Variants in STK25 observed in about 807,000 individuals in gnomAD.
STK25 encodes the protein serine/threonine-protein kinase 25.
A neutral mutation model predicts 53.8 loss-of-function variants in STK25; 29 were observed. That is an observed-to-expected ratio of 0.54 (90% CI 0.40 to 0.74). The LOEUF is 0.74. Ranked by LOEUF, STK25 falls within the 30% of genes least tolerant of loss-of-function variation. The probability of loss-of-function intolerance (pLI) is 0.00; values close to 1 mark genes in which losing one functional copy is unlikely to be tolerated. For synonymous variants in STK25, 247 were observed against 238.3 expected, an observed-to-expected ratio of 1.04 and a Z score of -0.33; for missense variants, 420 against 568.0, an observed-to-expected ratio of 0.74 and a Z score of 2.65.
rs947809177 is a variant in STK25 at position 241,508,497 on chromosome 2, G to T, written c.-155C>A. 6 of 1,022,724 alleles carry T rather than the reference G, an allele frequency of 5.9e-6. No homozygotes were observed. Among genetic ancestry groups the T allele is most frequent in the African/African-American group, 1.7e-5 (1 of 57,466 alleles). 63.4% of individuals were successfully genotyped at this position (1,022,724 alleles called of 1,614,324 possible). A position where few individuals can be genotyped will look rare whatever the true frequency, so the allele number is the denominator to read the frequency against. On this transcript the variant is annotated 5_prime_UTR_variant, in exon 1 of 12. Coordinates refer to ENST00000316586, the MANE Select transcript of STK25 (RefSeq NM_001271977.2). The stretch of plus-strand genomic sequence containing the variant: ...GGCCCGCTCTGCAGCGCCCGCGAAG[G>T]CTCCCACCCGCAGCCTCTGTTCGCC...
rs2065099023 is a variant in STK25, at chr2:241,495,562, C to G, written c.*100G>C. On this transcript the variant is annotated 3_prime_UTR_variant, in exon 12 of 12. Transcript: ENST00000316586. ...ACGGGATCCGACGTGTCCCTGCAGG[C>G]ACGACATAGCACAGGGCACCTTCCA... The G allele has an allele frequency of 7.4e-7, 1 of 1,358,162 alleles. No individual in the cohort carries two copies. The highest frequency in any genetic ancestry group is 1.4e-5 in the African/African-American group (1 of 69,882). The allele number at this position is 1,358,162 out of a possible 1,614,324, so 84.1% of individuals were successfully genotyped here. A position where few individuals can be genotyped will look rare whatever the true frequency, so the allele number is the denominator to read the frequency against.
chr2:241,505,277 G>A (rs1469976087), intron 2 of STK25, among the ~76,000 whole-genome samples: 1 of 151,986 alleles, frequency 6.6e-6, no homozygotes, highest in Non-Finnish European at 1.5e-5. Flanking sequence ...GCCCTGGGAC[G>A]CTGCTCCACC....
Position 241,495,434 on chromosome 2 carries a change from G to A in STK25, c.*228C>T. On this transcript the variant is annotated 3_prime_UTR_variant, in exon 12 of 12. Coordinates refer to ENST00000316586, the MANE Select transcript of STK25 (RefSeq NM_001271977.2). ...GAGCAATACTGCTGGGCCAGGAGAG[G>A]GAGGAGGGCAGTGGGCATAGAGAAC... 1.8e-6 allele frequency: 1 copy of A among 559,812 alleles called. No homozygotes were observed. Among genetic ancestry groups the A allele is most frequent in the African/African-American group, 1.9e-5 (1 of 53,092 alleles). 34.7% of individuals were successfully genotyped at this position (559,812 alleles called of 1,614,324 possible).
At chr2:241,505,591 T>C (rs1052475343) in intron 2 of STK25, among the ~76,000 whole-genome samples, 2 of 152,342 alleles carry the variant, frequency 1.3e-5, no homozygotes, top group African/African-American at 4.8e-5. Context: ...ACACAGGGCC[T>C]GGAGCTGAAT....
At chr2:241,507,582 C>T (rs2065914415) in intron 2 of STK25, among the ~76,000 whole-genome samples, 1 of 152,246 alleles carries the variant, frequency 6.6e-6, no homozygotes. Context: ...GTCTCCCCTA[C>T]AGCCCCTGCC....
In STK25 at chr2:241,493,335, G is replaced by A. The variant is rs145708249; in HGVS notation, c.*2327C>T. ...CAGCCTCCCGCTGCTGGGCTACAGC[G>A]TGAGCATCCCCAGGGAGGCCGATGG... On this transcript the variant is annotated 3_prime_UTR_variant, in exon 12 of 12. Coordinates refer to ENST00000316586, the MANE Select transcript of STK25 (RefSeq NM_001271977.2). 55 of 1,614,002 alleles carry A rather than the reference G, an allele frequency of 3.4e-5. No individual in the cohort carries two copies. The highest frequency in any genetic ancestry group is 1.7e-4 in the Middle Eastern group (1 of 6,058).
In STK25 at chr2:241,498,748, T is replaced by C; in HGVS notation, c.808A>G (p.Ile270Val). The part of the protein sequence containing the change: ...TAKELLKHKF[I>V]TRYTKKTSFL... ...GAGGTCTTCTTGGTGTAGCGTGTGA[T>C]GAACTTGTGCTTCAGGAGCTCCTTG... Residue 270 changes from isoleucine to valine, a missense_variant, in exon 8 of 12, where the codon ATC becomes GTC. By Grantham distance (29) the Ile-to-Val change is conservative. Coordinates refer to ENST00000316586, the MANE Select transcript of STK25 (RefSeq NM_001271977.2). The C allele has an allele frequency of 1.2e-6, 2 of 1,614,156 alleles. No individual in the cohort carries two copies. Among genetic ancestry groups the C allele is most frequent in the East Asian group, 2.2e-5 (1 of 44,884 alleles).
chr2:241,507,401 A>T (rs2065900491), intron 2 of STK25, among the ~76,000 whole-genome samples: 1 of 152,232 alleles, frequency 6.6e-6, no homozygotes, highest in Non-Finnish European at 1.5e-5. Context: ...TTAAAGAAGA[A>T]AGATGAGTCT....
chr2:241,498,919 CG>C (rs773708697), intron 7 of STK25, 69 bp downstream of exon 7: 1 of 1,609,206 alleles, frequency 6.2e-7, no homozygotes, highest in Non-Finnish European at 8.5e-7. Context: ...CGGGCTGTGC[CG>C]CCCACCCCAA....
At position 241,501,485 on chromosome 2, in the gene STK25, T is replaced by C. The variant is rs1705308560; in HGVS notation, c.254A>G (p.Tyr85Cys). The stretch of plus-strand genomic sequence containing the variant: ...CCTCCCCACAACAGGCACCTTTAGG[T>C]AGGAGCCAAAGTAGCGGGTGATGTA... ...SPYITRYFGS[Y>C]LKSTKLWIIM... Residue 85 changes from tyrosine to cysteine, a missense_variant, in exon 3 of 12, where the codon TAC (tyrosine) becomes TGC (cysteine). Tyr to Cys is a radical substitution (Grantham distance 194). Transcript: ENST00000316586. The surrounding 1 kb of genome is among the most constrained non-coding windows in gnomAD (Gnocchi z 5.3). 1 of 1,613,766 alleles carries C rather than the reference T, an allele frequency of 6.2e-7. No individual in the cohort carries two copies. Among genetic ancestry groups the C allele is most frequent in the Non-Finnish European group, 8.5e-7 (1 of 1,179,866 alleles).
rs2064993121 is a variant in STK25 at position 241,493,179 on chromosome 2, G to A, written c.*2483C>T. ...CTGTGCTGTGTGAACAGGGAAACTG[G>A]CTCCCTTGGCCCGTGGGCATTTGTA... On this transcript the variant is annotated 3_prime_UTR_variant, in exon 12 of 12. Transcript: ENST00000316586. 7.7e-7 allele frequency: 1 copy of A among 1,301,938 alleles called. No individual in the cohort carries two copies. The highest frequency in any genetic ancestry group is 1.1e-6 in the Non-Finnish European group (1 of 915,470). 80.6% of individuals were successfully genotyped at this position (1,301,938 alleles called of 1,614,324 possible).
Position 241,497,646 on chromosome 2 carries a change from C to T in STK25, c.1074G>A (p.Leu358=), listed in dbSNP as rs1559829004. 21 of 1,613,434 alleles carry T rather than the reference C, an allele frequency of 1.3e-5. No homozygotes were observed. Among genetic ancestry groups the T allele is most frequent in the Non-Finnish European group, 1.8e-5 (21 of 1,180,024 alleles). The change falls in exon 10 of 12, where the codon CTG becomes CTA. Residue 358 remains leucine (L), a synonymous_variant. Transcript: ENST00000316586. ...PVKRQPRSQC[L]STLVRPVFGE... ...CGAAGACGGGCCGGACCAGCGTGGACAGGCACTGGGACCTCGGCTGCCTCT... is the reference window on the plus strand; with the variant it reads ...CGAAGACGGGCCGGACCAGCGTGGATAGGCACTGGGACCTCGGCTGCCTCT...
intron 2 of STK25, chr2:241,503,984 ACCTCCCAGGGTT>A: frequency 1.1e-5 from 5 of 469,324 alleles, no homozygotes; most frequent in South Asian, 7.8e-5. Flanking sequence ...CAATTAGCTG[ACCTCCCAGGGTT>A]CCTAACCAGG....
chr2:241,508,501 C>T lies in STK25; in HGVS notation c.-159G>A, dbSNP rs1391391123. ...CGCTCTGCAGCGCCCGCGAAGGCTC[C>T]CACCCGCAGCCTCTGTTCGCCCGGG... On this transcript the variant is annotated 5_prime_UTR_variant, in exon 1 of 12. Transcript: ENST00000316586. 2.0e-6 allele frequency: 2 copies of T among 1,019,104 alleles called. No homozygotes were observed. The highest frequency in any genetic ancestry group is 2.4e-6 in the Non-Finnish European group (2 of 849,732). 63.1% of individuals were successfully genotyped at this position (1,019,104 alleles called of 1,614,324 possible). A position where few individuals can be genotyped will look rare whatever the true frequency, so the allele number is the denominator to read the frequency against.
In STK25 at chr2:241,494,833, A is replaced by G. The variant is rs1463825428; in HGVS notation, c.*829T>C. 3 of 152,164 alleles carry G rather than the reference A, an allele frequency of 2.0e-5. No individual in the cohort carries two copies. The highest frequency in any genetic ancestry group is 7.2e-5 in the African/African-American group (3 of 41,430). The allele number at this position is 152,164 out of a possible 1,614,324, so 9.4% of individuals were successfully genotyped here. A position where few individuals can be genotyped will look rare whatever the true frequency, so the allele number is the denominator to read the frequency against. On this transcript the variant is annotated 3_prime_UTR_variant, in exon 12 of 12. Transcript: ENST00000316586. This position sits in a 1 kb window ranked among gnomAD's most constrained non-coding sequence, Gnocchi z 4.9. ...ATTTGATTAAAAATAAACAAACAGC[A>G]TCTCCCCACCTGCATTCTCCTCTGC...
chr2:241,499,349 G>A lies in STK25; in HGVS notation c.493C>T (p.Leu165Phe), dbSNP rs2065368032. Residue 165 changes from leucine (L) to phenylalanine (F), a missense_variant, in exon 6 of 12, where the codon CTC becomes TTC. By Grantham distance (22) the Leu-to-Phe change is conservative. Transcript: ENST00000316586. ...TTCCTCTTAATCTGCGTGTCTGTGAGCTGCCCTGCTACCCCAAAGTCCGCC... is the reference window on the plus strand; with the variant it reads ...TTCCTCTTAATCTGCGTGTCTGTGAACTGCCCTGCTACCCCAAAGTCCGCC... Reference protein sequence around the residue: ...KLADFGVAGQLTDTQIKRNTF... With the variant: ...KLADFGVAGQFTDTQIKRNTF... The A allele has an allele frequency of 6.2e-7, 1 of 1,613,846 alleles. No homozygotes were observed. Among genetic ancestry groups the A allele is most frequent in the South Asian group, 1.1e-5 (1 of 91,080 alleles).
intron 2 of STK25, among the ~76,000 whole-genome samples, chr2:241,506,168 C>T (rs1425446865): frequency 6.6e-6 from 1 of 152,242 alleles, no homozygotes; most frequent in African/African-American, 2.4e-5. Flanking sequence ...ACGCGCCCCA[C>T]TCTCCCACAA....
upstream of STK25, among the ~76,000 whole-genome samples, chr2:241,508,936 C>T (rs557276234): frequency 0.011 from 1,726 of 152,294 alleles, 17 homozygotes; most frequent in Non-Finnish European, 0.019. Flanking sequence ...CCGCGCGGCC[C>T]TCTCCCTTGG....
intron 2 of STK25, chr2:241,502,053 A>C (rs1427477092): frequency 1.2e-5 from 3 of 243,486 alleles, no homozygotes; most frequent in Non-Finnish European, 2.4e-5. Flanking sequence ...AATCCCAGCT[A>C]CTCAGGAGGC....
Sources: gnomAD v4.1 joint callset for allele counts (sites outside exome capture counted in the v4.1 genomes callset) on GRCh38, gnomAD v4.1.1 for gene constraint, Gnocchi (gnomAD v3.1) non-coding constraint, MANE v1.5 for transcripts, NCBI Gene and HGNC (gene_info 2026-07-23, HGNC 2026-07-21) for gene names.